The following GRIK4 variants were observed in gnomAD, a reference collection of about 807,000 sequenced individuals.
The protein encoded by GRIK4 is glutamate receptor ionotropic, kainate 4.
In GRIK4, 40 loss-of-function variants were observed where a neutral mutation model predicts 104.9. That is an observed-to-expected ratio of 0.38 (90% CI 0.30 to 0.50). The LOEUF is 0.50. GRIK4 is among the 20% of genes least tolerant of loss of function. GRIK4 has a pLI of 0.93. For missense variants in GRIK4, 1,047 were observed against 1,308.1 expected (o/e 0.80, Z 3.08); for synonymous variants, 485 against 524.9 (o/e 0.92, Z 1.04).
chr11:120,608,431 G>C (rs139344531), intron 1 of GRIK4, among the ~76,000 whole-genome samples: 23 of 152,354 alleles, frequency 1.5e-4, no homozygotes, highest in African/African-American at 5.3e-4. Context: ...GGCTCTTGGG[G>C]CCAGCCCCAC....
intron 1 of GRIK4, among the ~76,000 whole-genome samples, chr11:120,566,478 A>G (rs36111344): frequency 0.28 from 42,598 of 151,984 alleles, 7,639 homozygotes; most frequent in Non-Finnish European, 0.41. Flanking sequence ...GGGCCAGCCT[A>G]CGATGTGGTT....
Position 120,962,695 on chromosome 11 carries a change from G to A in GRIK4, c.2266+14G>A. ...GCATGCCAGTCGGTATGCGGGAGAG[G>A]AACAGCCTCTTTGGGTAGCTTTGTC... On this transcript the variant is annotated intron_variant, in intron 18 of 20. Coordinates refer to ENST00000527524, the MANE Select transcript of GRIK4 (RefSeq NM_014619.5). 6.3e-7 allele frequency: 1 copy of A among 1,576,296 alleles called. No homozygotes were observed. Among genetic ancestry groups the A allele is most frequent in the Non-Finnish European group, 8.7e-7 (1 of 1,145,928 alleles).
chr11:120,935,906 G>A (rs1012141755), intron 13 of GRIK4, among the ~76,000 whole-genome samples: 1 of 152,166 alleles, frequency 6.6e-6, no homozygotes, highest in Non-Finnish European at 1.5e-5. Context: ...ACACTGTACA[G>A]TTAAAAAACA....
intron 12 of GRIK4, among the ~76,000 whole-genome samples, chr11:120,904,495 T>C (rs545848864): frequency 6.6e-6 from 1 of 152,202 alleles, no homozygotes; most frequent in Non-Finnish European, 1.5e-5. Context: ...CCTGGATGCT[T>C]CCTCTCCTAC....
intron 1 of GRIK4, among the ~76,000 whole-genome samples, chr11:120,637,190 G>T (rs906684200): frequency 6.6e-6 from 1 of 152,114 alleles, no homozygotes; most frequent in Non-Finnish European, 1.5e-5. Context: ...ACGCCAGGTG[G>T]GGGTGGGGAG....
intron 1 of GRIK4, among the ~76,000 whole-genome samples, chr11:120,559,193 C>T (rs1477192792): frequency 6.6e-6 from 1 of 152,200 alleles, no homozygotes; most frequent in Middle Eastern, 3.2e-3. Context: ...CTGCCCTAAG[C>T]TTGGCCTCAA....
At chr11:120,963,289 A>T (rs990647713) in intron 18 of GRIK4, among the ~76,000 whole-genome samples, 2 of 152,194 alleles carry the variant, frequency 1.3e-5, no homozygotes, top group Non-Finnish European at 2.9e-5. Flanking sequence ...GTCTTGTTGT[A>T]TTAATAGGAG....
intron 3 of GRIK4, among the ~76,000 whole-genome samples, chr11:120,736,077 A>C (rs914624640): frequency 6.6e-6 from 1 of 152,056 alleles, no homozygotes; most frequent in Non-Finnish European, 1.5e-5. Context: ...AGTCTCACCC[A>C]AGGCCCATGG....
chr11:120,803,547 C>T (rs1459089812), intron 4 of GRIK4, among the ~76,000 whole-genome samples: 1 of 152,170 alleles, frequency 6.6e-6, no homozygotes, highest in Non-Finnish European at 1.5e-5. Context: ...AAGTGATTCT[C>T]ATGCCTCAGC....
chr11:120,858,917 C>G (rs907223978), intron 8 of GRIK4: 2 of 152,116 alleles, frequency 1.3e-5, no homozygotes, highest in Non-Finnish European at 2.9e-5. Context: ...TGCCCCTCCC[C>G]CTTCCTTGTC....
chr11:120,598,115 C>A (rs1948830103), intron 1 of GRIK4, among the ~76,000 whole-genome samples: 2 of 152,188 alleles, frequency 1.3e-5, no homozygotes, highest in South Asian at 4.1e-4. Flanking sequence ...TGGGCCCCTT[C>A]TGTTCTTTCC....
chr11:120,538,074 T>C (rs938731992), intron 1 of GRIK4, among the ~76,000 whole-genome samples: 2 of 152,256 alleles, frequency 1.3e-5, no homozygotes, highest in Admixed American at 6.5e-5. Flanking sequence ...TTTCTTATAT[T>C]GCACTTTCTA....
chr11:120,516,868 G>A (rs569399566), intron 1 of GRIK4, among the ~76,000 whole-genome samples: 25 of 152,198 alleles, frequency 1.6e-4, no homozygotes, highest in Admixed American at 7.8e-4. Context: ...GCCTGGATGC[G>A]CTGTGCCTGA....
At chr11:120,868,817 C>T (rs1954512718) in intron 9 of GRIK4, 1 of 152,198 alleles carries the variant, frequency 6.6e-6, no homozygotes, top group Admixed American at 6.5e-5. Context: ...GATCTCCTGA[C>T]CTCGTGATCT....
At chr11:120,743,238 A>G (rs1328713133) in intron 3 of GRIK4, among the ~76,000 whole-genome samples, 2 of 152,100 alleles carry the variant, frequency 1.3e-5, no homozygotes, top group African/African-American at 4.8e-5. Flanking sequence ...TCAGAGAAAA[A>G]AAAAAAAAAA....
At chr11:120,969,196 G>T (rs1174075241) in intron 19 of GRIK4, among the ~76,000 whole-genome samples, 3 of 152,178 alleles carry the variant, frequency 2.0e-5, no homozygotes, top group African/African-American at 7.2e-5. Context: ...AACAATTCTT[G>T]ACACTTGCCA....
At chr11:120,728,234 T>C (rs1339783373) in intron 3 of GRIK4, among the ~76,000 whole-genome samples, 2 of 152,164 alleles carry the variant, frequency 1.3e-5, no homozygotes, top group Non-Finnish European at 2.9e-5. Context: ...TCTACAGTCA[T>C]ATGTTATGAG....
chr11:120,968,953 C>A (rs537195320), intron 19 of GRIK4, among the ~76,000 whole-genome samples: 1 of 152,210 alleles, frequency 6.6e-6, no homozygotes, highest in Non-Finnish European at 1.5e-5. Flanking sequence ...ACCCTAGCAC[C>A]GTGCTCTGCT....
chr11:120,801,768 A>G (rs1486702758), intron 3 of GRIK4, among the ~76,000 whole-genome samples: 1 of 152,186 alleles, frequency 6.6e-6, no homozygotes, highest in East Asian at 1.9e-4. Context: ...AAGAATCTCT[A>G]TAGCTAGATT....
Sources: gnomAD v4.1 joint callset for allele counts (sites outside exome capture counted in the v4.1 genomes callset) on GRCh38, gnomAD v4.1.1 for gene constraint, MANE v1.5 for transcripts, NCBI Gene and HGNC (gene_info 2026-07-23, HGNC 2026-07-21) for gene names.